Variants in FAT3 observed in about 807,000 individuals in gnomAD.
FAT3 encodes FAT atypical cadherin 3.
In FAT3, 95 loss-of-function variants were observed where a neutral mutation model predicts 310.2. The ratio of observed to expected loss-of-function variants is 0.31; its 90% confidence interval spans 0.26 to 0.36. The LOEUF (loss-of-function observed/expected upper bound fraction) is 0.36, where lower values mean the gene tolerates loss of function less well. Ranked by LOEUF, FAT3 falls within the 10% of genes least tolerant of loss-of-function variation. FAT3 has a pLI of 1.00. For synonymous variants in FAT3, 2,314 were observed against 2,192.9 expected (o/e 1.06, Z -1.54); for missense variants, 5,408 against 5,715.6 (o/e 0.95, Z 1.74).
intron 1 of FAT3, among the ~76,000 whole-genome samples, chr11:92,349,955 G>T (rs184275823): frequency 6.6e-6 from 1 of 150,410 alleles, no homozygotes; most frequent in Non-Finnish European, 1.5e-5. Flanking sequence ...TTCACTTCAG[G>T]AGAGTCTCCT....
intron 24 of FAT3, among the ~76,000 whole-genome samples, chr11:92,885,478 G>A (rs1436741352): frequency 1.3e-5 from 2 of 152,174 alleles, no homozygotes; most frequent in African/African-American, 4.8e-5. Flanking sequence ...GGTGATAACA[G>A]AGGGCCAAGA....
At chr11:92,748,401 G>C (rs573105863) in intron 4 of FAT3, among the ~76,000 whole-genome samples, 1 of 152,262 alleles carries the variant, frequency 6.6e-6, no homozygotes, top group African/African-American at 2.4e-5. Flanking sequence ...TGGGGATAAA[G>C]CCAAACCATA....
chr11:92,752,948 C>T (rs1945869100), intron 4 of FAT3, among the ~76,000 whole-genome samples: 1 of 152,268 alleles, frequency 6.6e-6, no homozygotes, highest in Middle Eastern at 3.4e-3. Context: ...AATAAATCAT[C>T]TGAGAGATAA....
chr11:92,276,253 A>T (rs1159370044), intron 1 of FAT3, among the ~76,000 whole-genome samples: 2 of 152,290 alleles, frequency 1.3e-5, no homozygotes, highest in East Asian at 1.9e-4. Flanking sequence ...ATGAGTCACA[A>T]AATTGTAAAA....
rs16918105 is a variant in FAT3 at position 92,799,891 on chromosome 11, A to G, written c.6878A>G (p.Asn2293Ser). Residue 2293 changes from asparagine to serine, a missense_variant, in exon 10 of 28, where the codon AAT (asparagine) becomes AGT (serine). Asn to Ser is a conservative substitution (Grantham distance 46). This residue lies in a region of FAT3 where 4,588 missense variants were observed against 4,809.8 expected (regional missense o/e 0.95). Coordinates refer to ENST00000525166, the MANE Select transcript of FAT3 (RefSeq NM_001367949.2). ...NPPIFDQPTY[N>S]TTLSEASLIG... is the part of the protein sequence containing the mutation. ...CCTATTTTCGATCAGCCTACATACAATACAACACTATCAGAAGCATCTCTT... is the reference window on the plus strand; with the variant it reads ...CCTATTTTCGATCAGCCTACATACAGTACAACACTATCAGAAGCATCTCTT... 14,972 of 1,612,986 alleles carry G rather than the reference A, an allele frequency of 9.3e-3. 337 individuals are homozygous for G. The highest frequency in any genetic ancestry group is 0.085 in the East Asian group (3,806 of 44,812).
intron 2 of FAT3, among the ~76,000 whole-genome samples, chr11:92,436,068 G>A (rs1233831096): frequency 2.0e-5 from 3 of 152,042 alleles, no homozygotes; most frequent in African/African-American, 4.8e-5. Flanking sequence ...CAGGCCAGAA[G>A]GGCTCTTTAT....
At chr11:92,708,636 C>T (rs1944431625) in intron 4 of FAT3, among the ~76,000 whole-genome samples, 1 of 152,234 alleles carries the variant, frequency 6.6e-6, no homozygotes, top group South Asian at 2.1e-4. Context: ...AAATTCAGAA[C>T]ACTTAAGGCC....
chr11:92,752,054 T>C (rs2136056099), intron 4 of FAT3, among the ~76,000 whole-genome samples: 1 of 152,292 alleles, frequency 6.6e-6, no homozygotes, highest in Non-Finnish European at 1.5e-5. Context: ...CAGCACATAA[T>C]GTTTTAGACC....
chr11:92,879,386 C>A (rs1949620085), intron 22 of FAT3, among the ~76,000 whole-genome samples: 1 of 152,118 alleles, frequency 6.6e-6, no homozygotes, highest in African/African-American at 2.4e-5. Context: ...GTCAGAGGGC[C>A]TCAGGAGAGA....
chr11:92,299,674 T>G (rs1946941889), intron 1 of FAT3, among the ~76,000 whole-genome samples: 1 of 152,138 alleles, frequency 6.6e-6, no homozygotes, highest in Admixed American at 6.6e-5. Context: ...ATTATCAAGC[T>G]TTTACAACTA....
At chr11:92,615,834 C>T (rs753604944) in intron 3 of FAT3, among the ~76,000 whole-genome samples, 8 of 152,162 alleles carry the variant, frequency 5.3e-5, no homozygotes, top group Middle Eastern at 3.2e-3. Flanking sequence ...GCACTGTGGT[C>T]TGAGAGACAG....
intron 14 of FAT3, among the ~76,000 whole-genome samples, chr11:92,833,842 C>G (rs983275852): frequency 3.3e-5 from 5 of 152,180 alleles, no homozygotes; most frequent in African/African-American, 1.2e-4. Context: ...AAATTTAGCA[C>G]TAGTTAGCAA....
rs11379452 is a variant in FAT3, at chr11:92,248,220, A to AT, written c.-18+23052dup. 8.0e-3 allele frequency among the ~76,000 whole-genome samples: 1,224 copies of AT among 152,112 alleles called. 48 individuals are homozygous for AT. The highest frequency in any genetic ancestry group is 0.072 in the Admixed American group (1,101 of 15,254). On this transcript the variant is annotated intron_variant, in intron 1 of 27. Coordinates refer to ENST00000525166, the MANE Select transcript of FAT3 (RefSeq NM_001367949.2). Reference sequence around the variant, plus strand: ...TGTTTTAAATTCATCTTTGAAGACTATTTTTTGCAGGAATGGCTGCATTTA... The same window carrying AT: ...TGTTTTAAATTCATCTTTGAAGACTATTTTTTTGCAGGAATGGCTGCATTTA...
intron 1 of FAT3, among the ~76,000 whole-genome samples, chr11:92,322,488 T>A (rs904554347): frequency 1.3e-5 from 2 of 152,212 alleles, no homozygotes; most frequent in Admixed American, 1.3e-4. Context: ...ATTGTCCTCA[T>A]TGACTCTTCC....
chr11:92,259,667 A>G (rs1238150951), intron 1 of FAT3, among the ~76,000 whole-genome samples: 1 of 152,136 alleles, frequency 6.6e-6, no homozygotes, highest in African/African-American at 2.4e-5. Context: ...CTTCAAAAGA[A>G]CAGAAGTCCT....
intron 2 of FAT3, among the ~76,000 whole-genome samples, chr11:92,382,302 C>G (rs1006768223): frequency 1.3e-5 from 2 of 152,128 alleles, no homozygotes; most frequent in South Asian, 4.2e-4. Context: ...CACAGAAACT[C>G]CTAGTGGGGG....
intron 2 of FAT3, among the ~76,000 whole-genome samples, chr11:92,436,500 G>A (rs1263227446): frequency 2.0e-5 from 3 of 152,114 alleles, no homozygotes; most frequent in South Asian, 2.1e-4. Flanking sequence ...CCTTTGTTAA[G>A]GGACAGGTTT....
intron 1 of FAT3, among the ~76,000 whole-genome samples, chr11:92,268,644 A>G (rs529336702): frequency 3.0e-4 from 46 of 152,260 alleles, no homozygotes; most frequent in African/African-American, 1.0e-3. Flanking sequence ...TTGCTCTTCT[A>G]TATTTACTTC....
At chr11:92,632,163 A>G (rs1009347997) in intron 3 of FAT3, among the ~76,000 whole-genome samples, 3 of 152,240 alleles carry the variant, frequency 2.0e-5, no homozygotes, top group Non-Finnish European at 4.4e-5. Context: ...ATCTGTGAAG[A>G]CTTGTGGGAT....
Sources: gnomAD v4.1 joint callset for allele counts (sites outside exome capture counted in the v4.1 genomes callset) on GRCh38, gnomAD v4.1.1 for gene constraint, gnomAD v4.1.1 regional missense constraint, MANE v1.5 for transcripts, NCBI Gene and HGNC (gene_info 2026-07-23, HGNC 2026-07-21) for gene names.